FMN1: variants seen among roughly 807,000 people sequenced by gnomAD.
FMN1 encodes the protein formin 1, also known as formin-1.
FMN1 carries 110 observed loss-of-function variants against 132.4 expected under a neutral mutation model. The observed-to-expected ratio is 0.83, with a 90% CI of 0.71 to 0.97. The LOEUF is 0.97. FMN1 is among the 50% of genes least tolerant of loss of function. The pLI is 0.00. For synonymous variants in FMN1, 722 were observed against 651.7 expected (o/e 1.11, Z -1.64); for missense variants, 1,792 against 1,705.3 (o/e 1.05, Z -0.90).
intron 7 of FMN1, among the ~76,000 whole-genome samples, chr15:32,970,300 A>C (rs1285309341): frequency 6.6e-6 from 1 of 152,178 alleles, no homozygotes; most frequent in Admixed American, 6.5e-5. Context: ...TATTACAGTT[A>C]ATTGGAAAGC....
chr15:32,881,425 TA>T (rs1262076364), intron 16 of FMN1, among the ~76,000 whole-genome samples: 1 of 152,202 alleles, frequency 6.6e-6, no homozygotes, highest in Non-Finnish European at 1.5e-5. Flanking sequence ...CTCTATGCTT[TA>T]AAATTGATGC....
intron 19 of FMN1, among the ~76,000 whole-genome samples, chr15:32,780,461 A>G (rs75967692): frequency 0.012 from 1,830 of 152,308 alleles, 34 homozygotes; most frequent in African/African-American, 0.041. Flanking sequence ...GTCTTAAAAA[A>G]GGGAGGCATG....
intron 6 of FMN1, among the ~76,000 whole-genome samples, chr15:33,049,143 T>C (rs919364490): frequency 6.6e-6 from 1 of 152,210 alleles, no homozygotes; most frequent in Non-Finnish European, 1.5e-5. Context: ...TCATTTTGTG[T>C]GTCAAAACTT....
intron 4 of FMN1, among the ~76,000 whole-genome samples, chr15:33,120,056 T>A (rs1489796784): frequency 1.3e-5 from 2 of 152,104 alleles, no homozygotes; most frequent in African/African-American, 4.8e-5. Flanking sequence ...GATTAGCAAT[T>A]AAATGACTCA....
At chr15:33,146,785 C>T (rs1032401075) in intron 4 of FMN1, among the ~76,000 whole-genome samples, 10 of 152,126 alleles carry the variant, frequency 6.6e-5, no homozygotes, top group African/African-American at 2.4e-4. Context: ...GTGAGATCGG[C>T]ACCACAGTCA....
At chr15:32,837,222 T>C in intron 17 of FMN1, 1 of 233,004 alleles carries the variant, frequency 4.3e-6, no homozygotes, top group Non-Finnish European at 9.2e-6. Context: ...CCTTGTATCG[T>C]TCTGTTACTA....
In FMN1 at chr15:33,018,849, TC is replaced by T. The variant is rs774729913; in HGVS notation, c.2162-10775del. Among the ~76,000 whole-genome samples the T allele has an allele frequency of 2.0e-5, 3 of 152,112 alleles. No individual in the cohort carries two copies. In the South Asian group the frequency reaches 6.2e-4, roughly 32 times the overall value. ...TACCTTCGCGGTTGAGTGTTACAGC[TC>T]TTAAGGCAGCACGTCTGGAGTTGTT... On this transcript the variant is annotated intron_variant, in intron 6 of 20. Transcript: ENST00000616417.
intron 9 of FMN1, among the ~76,000 whole-genome samples, chr15:32,958,219 G>T (rs1459069213): frequency 6.6e-6 from 1 of 152,176 alleles, no homozygotes; most frequent in African/African-American, 2.4e-5. Flanking sequence ...ATATGCAGAA[G>T]TGTGGCTATA....
intron 9 of FMN1, among the ~76,000 whole-genome samples, chr15:32,935,223 T>TA (rs981256538): frequency 3.3e-5 from 5 of 152,120 alleles, no homozygotes; most frequent in African/African-American, 9.6e-5. Context: ...ACCCAGCCGA[T>TA]AGACAGTTTT....
intron 10 of FMN1, among the ~76,000 whole-genome samples, chr15:32,914,545 T>C (rs2060638207): frequency 6.6e-6 from 1 of 152,200 alleles, no homozygotes. Context: ...AATACACTTG[T>C]TATACAGGAG....
At chr15:33,185,468 C>G (rs1965848046) in intron 2 of FMN1, among the ~76,000 whole-genome samples, 1 of 150,770 alleles carries the variant, frequency 6.6e-6, no homozygotes, top group Admixed American at 6.6e-5. Context: ...ACCGTTAATT[C>G]CAATTTAGAG....
intron 7 of FMN1, among the ~76,000 whole-genome samples, chr15:33,005,452 A>C (rs1241654161): frequency 1.3e-5 from 2 of 152,198 alleles, no homozygotes; most frequent in African/African-American, 2.4e-5. Flanking sequence ...CCTGTATTTT[A>C]AGTGCAGATC....
At chr15:33,139,173 A>T (rs1284498455) in intron 4 of FMN1, among the ~76,000 whole-genome samples, 1 of 152,254 alleles carries the variant, frequency 6.6e-6, no homozygotes, top group East Asian at 1.9e-4. Context: ...TCTAATAATT[A>T]CATTGCACTG....
intron 7 of FMN1, among the ~76,000 whole-genome samples, chr15:32,997,506 AC>A (rs1371502850): frequency 6.6e-6 from 1 of 152,188 alleles, no homozygotes; most frequent in Non-Finnish European, 1.5e-5. Context: ...CATTCTACTG[AC>A]CAGCTGTGAA....
intron 9 of FMN1, among the ~76,000 whole-genome samples, chr15:32,943,801 C>T (rs1183509916): frequency 6.6e-6 from 1 of 152,150 alleles, no homozygotes; most frequent in Non-Finnish European, 1.5e-5. Context: ...TTTTTATTCT[C>T]ATTTAACTGC....
chr15:33,155,262 C>T (rs975158986), intron 3 of FMN1, among the ~76,000 whole-genome samples: 1 of 152,146 alleles, frequency 6.6e-6, no homozygotes, highest in African/African-American at 2.4e-5. Context: ...GGAAAGTCCT[C>T]TCATTTCACC....
chr15:33,001,568 C>CT (rs1439022775), intron 7 of FMN1, among the ~76,000 whole-genome samples: 2 of 105,898 alleles, frequency 1.9e-5, no homozygotes, highest in African/African-American at 7.1e-5. Flanking sequence ...CTCCCACTTC[C>CT]CCCCCCACCT....
At position 32,776,823 on chromosome 15, in the gene FMN1, AAT is replaced by A; in HGVS notation, c.4215+10_4215+11del. The A allele has an allele frequency of 6.5e-7, 1 of 1,531,368 alleles. No individual in the cohort carries two copies. The highest frequency in any genetic ancestry group is 9.0e-7 in the Non-Finnish European group (1 of 1,117,268). The allele number at this position is 1,531,368 out of a possible 1,614,324, so 94.9% of individuals were successfully genotyped here. ...TGACAATCGTTAGATTATGTTGAAA[AAT>A]ATATCTCACCAGGCTAGCAGTGGGA... On this transcript the variant is annotated intron_variant, in intron 20 of 20. Coordinates refer to ENST00000616417, the MANE Select transcript of FMN1 (RefSeq NM_001277313.2).
chr15:33,114,845 T>G (rs758731099), intron 4 of FMN1, among the ~76,000 whole-genome samples: 1 of 152,170 alleles, frequency 6.6e-6, no homozygotes, highest in Non-Finnish European at 1.5e-5. Flanking sequence ...CTTCTGGAAA[T>G]TAACTTTTTT....
Sources: allele counts gnomAD v4.1 joint callset (sites outside exome capture counted in the v4.1 genomes callset), GRCh38; gene constraint gnomAD v4.1.1; transcripts MANE v1.5; gene names NCBI Gene and HGNC (gene_info 2026-07-23, HGNC 2026-07-21).